The following CNTNAP4 variants were observed in gnomAD, a reference collection of about 807,000 sequenced individuals.
CNTNAP4 encodes contactin associated protein family member 4.
A neutral mutation model predicts 148.4 loss-of-function variants in CNTNAP4; 98 were observed. That is an observed-to-expected ratio of 0.66 (90% CI 0.56 to 0.78). The LOEUF is 0.78. Among genes scored for constraint, CNTNAP4 ranks in the 30% least tolerant of loss-of-function variants. The pLI is 0.00. For synonymous variants in CNTNAP4, 730 were observed against 565.1 expected, an observed-to-expected ratio of 1.29 and a Z score of -4.14; for missense variants, 1,935 against 1,565.6, an observed-to-expected ratio of 1.24 and a Z score of -3.98.
intron 11 of CNTNAP4, among the ~76,000 whole-genome samples, chr16:76,478,273 G>A (rs1275266874): frequency 6.6e-6 from 1 of 152,118 alleles, no homozygotes; most frequent in Non-Finnish European, 1.5e-5. Context: ...AGGACTTTAT[G>A]AACATATGCA....
At chr16:76,397,871 G>A (rs960285694) in intron 3 of CNTNAP4, among the ~76,000 whole-genome samples, 1 of 141,502 alleles carries the variant, frequency 7.1e-6, no homozygotes. Context: ...TTCATGGACT[G>A]CCTAGGTTCT....
intron 3 of CNTNAP4, among the ~76,000 whole-genome samples, chr16:76,396,548 G>A (rs1484301378): frequency 1.3e-5 from 2 of 152,190 alleles, no homozygotes; most frequent in African/African-American, 4.8e-5. Flanking sequence ...ACTCAGACAT[G>A]ATTACAGAGT....
In CNTNAP4 at chr16:76,462,053, T is replaced by C. The variant is rs769475293; in HGVS notation, c.1431T>C (p.Ala477=). 36 of 1,613,810 alleles carry C rather than the reference T, an allele frequency of 2.2e-5. 1 individual carries two copies. The highest frequency in any genetic ancestry group is 2.2e-4 in the Admixed American group (13 of 60,006). The change falls in exon 9 of 24, where the codon GCT becomes GCC. Residue 477 remains alanine (A), a synonymous_variant. Coordinates refer to ENST00000611870, the MANE Select transcript of CNTNAP4 (RefSeq NM_033401.5). ...VAVDGQMASA[A]PLLGPEQIYS... Reference sequence around the variant, plus strand: ...TGGACGGCCAGATGGCTTCTGCTGCTCCTCTGCTGGGGCCTGAGCAGATTT... The same window carrying C: ...TGGACGGCCAGATGGCTTCTGCTGCCCCTCTGCTGGGGCCTGAGCAGATTT...
At chr16:76,397,903 ATAT>A (rs1363877741) in intron 3 of CNTNAP4, among the ~76,000 whole-genome samples, 7 of 131,830 alleles carry the variant, frequency 5.3e-5, no homozygotes, top group Non-Finnish European at 9.6e-5. Context: ...TAGCATACAT[ATAT>A]TAGGGTTCTC....
intron 1 of CNTNAP4, among the ~76,000 whole-genome samples, chr16:76,286,101 C>A (rs936692095): frequency 1.3e-5 from 2 of 151,054 alleles, no homozygotes; most frequent in Non-Finnish European, 2.9e-5. Context: ...CAGCTGACGA[C>A]TGACCAAGGA....
chr16:76,427,792 T>G (rs766587851), intron 4 of CNTNAP4, among the ~76,000 whole-genome samples, 193 bp downstream of exon 4: 47 of 152,304 alleles, frequency 3.1e-4, no homozygotes, highest in Non-Finnish European at 5.6e-4. Context: ...AACATTTTAA[T>G]TCAGAGATGG....
chr16:76,493,955 T>C (rs976585593), intron 13 of CNTNAP4, among the ~76,000 whole-genome samples: 63 of 152,188 alleles, frequency 4.1e-4, no homozygotes, highest in African/African-American at 1.4e-3. Flanking sequence ...GTAGGGCTAA[T>C]GGTGACAACT....
chr16:76,339,588 G>A lies in CNTNAP4; in HGVS notation c.197-15730G>A, dbSNP rs11642460. ...AATGACACAAAGAGAATTTAAGATC[G>A]TTTGAAATGTCGCCTTTGCTCATTA... On this transcript the variant is annotated intron_variant, in intron 2 of 23. Coordinates refer to ENST00000611870, the MANE Select transcript of CNTNAP4 (RefSeq NM_033401.5). Among the ~76,000 whole-genome samples the A allele has an allele frequency of 3.6e-3, 544 of 152,252 alleles. 2 individuals are homozygous for A. Among genetic ancestry groups the A allele is most frequent in the African/African-American group, 7.3e-3 (304 of 41,548 alleles).
intron 4 of CNTNAP4, among the ~76,000 whole-genome samples, chr16:76,439,668 T>C (rs2079962818): frequency 6.6e-6 from 1 of 152,170 alleles, no homozygotes; most frequent in Non-Finnish European, 1.5e-5. Flanking sequence ...CATAACCTGC[T>C]GGTGTGTTGT....
chr16:76,417,345 G>T (rs8062887), intron 3 of CNTNAP4, among the ~76,000 whole-genome samples: 1 of 150,882 alleles, frequency 6.6e-6, no homozygotes, highest in East Asian at 1.9e-4. Flanking sequence ...TATTTTATCT[G>T]CTCTTTTACT....
intron 1 of CNTNAP4, among the ~76,000 whole-genome samples, chr16:76,294,482 C>G (rs1010006923): frequency 6.6e-6 from 1 of 152,136 alleles, no homozygotes; most frequent in Non-Finnish European, 1.5e-5. Flanking sequence ...GCTAAATGTA[C>G]TCTGTAATAG....
chr16:76,447,108 G>A (rs556445369), intron 4 of CNTNAP4, among the ~76,000 whole-genome samples: 2 of 152,054 alleles, frequency 1.3e-5, no homozygotes, highest in East Asian at 1.9e-4. Flanking sequence ...AGGAATTCGA[G>A]ACCAGCCTGG....
intron 2 of CNTNAP4, among the ~76,000 whole-genome samples, chr16:76,336,268 CTGCTT>C (rs1476175845): frequency 6.6e-6 from 1 of 152,190 alleles, no homozygotes; most frequent in African/African-American, 2.4e-5. Context: ...ATTATTCTAA[CTGCTT>C]TGCTTAAGTA....
At chr16:76,443,965 T>G (rs542993428) in intron 4 of CNTNAP4, among the ~76,000 whole-genome samples, 2 of 152,290 alleles carry the variant, frequency 1.3e-5, no homozygotes, top group South Asian at 4.1e-4. Context: ...TTCGCAATGT[T>G]AAAGTAAATT....
chr16:76,528,917 T>C (rs1219437992), intron 17 of CNTNAP4, among the ~76,000 whole-genome samples: 2 of 152,202 alleles, frequency 1.3e-5, no homozygotes, highest in African/African-American at 4.8e-5. Context: ...GAGCAATCCC[T>C]GACGTTTCAA....
At chr16:76,277,877 T>A (rs1367466798) in intron 1 of CNTNAP4, 130 bp downstream of exon 1, 3 of 669,796 alleles carry the variant, frequency 4.5e-6, no homozygotes, top group African/African-American at 1.8e-5. Context: ...AAGCATCACT[T>A]AAAAATCTTG....
At chr16:76,471,645 C>A (rs575289870) in intron 10 of CNTNAP4, among the ~76,000 whole-genome samples, 1 of 152,260 alleles carries the variant, frequency 6.6e-6, no homozygotes, top group East Asian at 1.9e-4. Context: ...TGCCTACCTT[C>A]CCTCCCCTCT....
rs187161939 is a variant in CNTNAP4, at chr16:76,441,074, G to A, written c.539-6938G>A. ...TGAGACCCTTCTTAGAGGCTACAGC[G>A]GATCAACTCCCTCTCCTGCATGTCT... On this transcript the variant is annotated intron_variant, in intron 4 of 23. Transcript: ENST00000611870. Among the ~76,000 whole-genome samples, 9 of 152,174 alleles carry A rather than the reference G, an allele frequency of 5.9e-5. No homozygotes were observed. The East Asian group carries it at 1.4e-3, about 23-fold the overall frequency.
At chr16:76,493,048 A>C (rs2082280421) in intron 13 of CNTNAP4, among the ~76,000 whole-genome samples, 1 of 152,016 alleles carries the variant, frequency 6.6e-6, no homozygotes, top group African/African-American at 2.4e-5. Context: ...CTAGAAAGGC[A>C]TGGAACATGA....
Sources: gnomAD v4.1 joint callset for allele counts (sites outside exome capture counted in the v4.1 genomes callset) on GRCh38, gnomAD v4.1.1 for gene constraint, MANE v1.5 for transcripts, NCBI Gene and HGNC (gene_info 2026-07-23, HGNC 2026-07-21) for gene names.